The following KLF12 variants were observed in gnomAD, a reference collection of about 807,000 sequenced individuals.
KLF12 encodes the protein Krueppel-like factor 12.
A neutral mutation model predicts 37.8 loss-of-function variants in KLF12; 9 were observed. That is an observed-to-expected ratio of 0.24 (90% CI 0.14 to 0.42). The LOEUF is 0.42. Among genes scored for constraint, KLF12 ranks in the 10% least tolerant of loss-of-function variants. The pLI is 1.00. For synonymous variants in KLF12, 208 were observed against 202.1 expected, an observed-to-expected ratio of 1.03 and a Z score of -0.25; for missense variants, 411 against 516.0, an observed-to-expected ratio of 0.80 and a Z score of 1.97.
chr13:73,804,491 T>C (rs1882457251), intron 5 of KLF12, among the ~76,000 whole-genome samples: 1 of 152,150 alleles, frequency 6.6e-6, no homozygotes, highest in African/African-American at 2.4e-5. Flanking sequence ...AAAAGGAATA[T>C]GTATGGGCAT....
At chr13:74,142,498 G>A in the KLF12 span, among the ~76,000 whole-genome samples, 1 of 152,130 alleles carries the variant, frequency 6.6e-6, no homozygotes, top group East Asian at 1.9e-4. Flanking sequence ...AACTGGGTTG[G>A]CACCTTCTTT....
At chr13:73,799,028 C>G (rs140162428) in intron 5 of KLF12, among the ~76,000 whole-genome samples, 4 of 152,250 alleles carry the variant, frequency 2.6e-5, no homozygotes, top group African/African-American at 7.2e-5. Flanking sequence ...CCATCAGTGA[C>G]AGACTGGATA....
intron 1 of KLF12, among the ~76,000 whole-genome samples, chr13:74,005,225 C>T (rs555437471): frequency 4.3e-4 from 65 of 151,934 alleles, no homozygotes; most frequent in Non-Finnish European, 5.9e-4. Context: ...AATAAAGAGC[C>T]TACATCTCAT....
chr13:74,129,835 G>A lies in KLF12; in HGVS notation c.-32+3904C>T, dbSNP rs544725563. On this transcript the variant is annotated intron_variant, in intron 1 of 7. Coordinates refer to ENST00000377669, the MANE Select transcript of KLF12 (RefSeq NM_007249.5). The stretch of plus-strand genomic sequence containing the variant: ...CTTTATGACAATAAACACCCAAAAC[G>A]GAAAAATCCTTTTGTAACATAATTA... Among the ~76,000 whole-genome samples the A allele has an allele frequency of 3.9e-5, 6 of 152,268 alleles. No homozygotes were observed. In the South Asian group the frequency reaches 6.2e-4, roughly 16 times the overall value.
At chr13:73,826,534 C>A (rs573602463) in intron 4 of KLF12, among the ~76,000 whole-genome samples, 1 of 152,218 alleles carries the variant, frequency 6.6e-6, no homozygotes, top group East Asian at 1.9e-4. Context: ...CCAAAAGATT[C>A]AAAATATCTA....
chr13:73,990,277 T>TC (rs1193482914), intron 2 of KLF12, among the ~76,000 whole-genome samples: 1 of 152,088 alleles, frequency 6.6e-6, no homozygotes. Context: ...TTCTCAGAGA[T>TC]TAAGAGCAAG....
chr13:73,916,221 ACACACACACACACACACACGCACACG>A (rs1282269487), intron 3 of KLF12, among the ~76,000 whole-genome samples: 2 of 35,142 alleles, frequency 5.7e-5, no homozygotes, highest in Non-Finnish European at 1.5e-4. Context: ...ACACACACAC[ACACACACACACACACACACGCACACG>A]CACACACACA....
chr13:73,797,271 A>G (rs905231350), intron 5 of KLF12, among the ~76,000 whole-genome samples: 1 of 152,176 alleles, frequency 6.6e-6, no homozygotes, highest in Non-Finnish European at 1.5e-5. Flanking sequence ...CCAACAGAAG[A>G]GCTCCACTTG....
intron 3 of KLF12, among the ~76,000 whole-genome samples, chr13:73,870,690 G>A (rs951424443): frequency 1.3e-5 from 2 of 152,150 alleles, no homozygotes; most frequent in African/African-American, 2.4e-5. Flanking sequence ...CAAGAGAAAC[G>A]GAAGGTTAAA....
the KLF12 span, among the ~76,000 whole-genome samples, chr13:74,231,094 A>G: frequency 6.6e-6 from 1 of 151,164 alleles, no homozygotes; most frequent in Non-Finnish European, 1.5e-5. Flanking sequence ...CTCTGCTTGC[A>G]TCGTCATCTG....
intron 3 of KLF12, among the ~76,000 whole-genome samples, chr13:73,871,434 AAG>A (rs557318889): frequency 5.3e-4 from 81 of 152,310 alleles, no homozygotes; most frequent in African/African-American, 1.9e-3. Context: ...GACAATTGTT[AAG>A]AGACTGGAAA....
intron 4 of KLF12, among the ~76,000 whole-genome samples, chr13:73,816,444 T>C (rs1046874976): frequency 6.6e-6 from 1 of 152,228 alleles, no homozygotes; most frequent in African/African-American, 2.4e-5. Flanking sequence ...CCCAGCTCAC[T>C]GCTGGTAGAG....
intron 1 of KLF12, among the ~76,000 whole-genome samples, chr13:74,116,490 T>C (rs1048619674): frequency 2.6e-5 from 4 of 152,230 alleles, no homozygotes; most frequent in African/African-American, 9.6e-5. Context: ...TTTAAAGCCT[T>C]ACCTCTCAAG....
At chr13:74,167,649 A>G in the KLF12 span, among the ~76,000 whole-genome samples, 1 of 152,194 alleles carries the variant, frequency 6.6e-6, no homozygotes, top group Admixed American at 6.5e-5. Context: ...AATATCAACC[A>G]AGTAGCTAAC....
At chr13:74,165,121 T>C in the KLF12 span, among the ~76,000 whole-genome samples, 1 of 152,110 alleles carries the variant, frequency 6.6e-6, no homozygotes, top group Non-Finnish European at 1.5e-5. Context: ...CCTGATGTGA[T>C]TCCTACACAT....
the KLF12 span, among the ~76,000 whole-genome samples, chr13:74,162,875 C>A: frequency 1 from 151,648 of 152,318 alleles, 75,496 homozygotes; most frequent in Non-Finnish European, 1. Context: ...AAAGGGATTA[C>A]AAATGAAAAT....
At chr13:74,122,836 G>A (rs1379228975) in intron 1 of KLF12, among the ~76,000 whole-genome samples, 1 of 151,588 alleles carries the variant, frequency 6.6e-6, no homozygotes, top group African/African-American at 2.4e-5. Flanking sequence ...TGTTCCTAAC[G>A]CTTAAGAACA....
intron 5 of KLF12, among the ~76,000 whole-genome samples, chr13:73,793,726 CTTAT>C (rs1881814648): frequency 6.6e-6 from 1 of 152,174 alleles, no homozygotes; most frequent in South Asian, 2.1e-4. Context: ...ATTCCAAACT[CTTAT>C]TTAAATTGAA....
chr13:73,710,516 T>C (rs1875303757), intron 7 of KLF12, among the ~76,000 whole-genome samples: 1 of 122,860 alleles, frequency 8.1e-6, no homozygotes, highest in Non-Finnish European at 1.7e-5. Flanking sequence ...TGTGTGATAC[T>C]TGGGTAATTG....
Sources: gnomAD v4.1 joint callset for allele counts (sites outside exome capture counted in the v4.1 genomes callset) on GRCh38, gnomAD v4.1.1 for gene constraint, MANE v1.5 for transcripts, NCBI Gene and HGNC (gene_info 2026-07-23, HGNC 2026-07-21) for gene names.